Variants in GABRB2 observed in about 807,000 individuals in gnomAD.
GABRB2 encodes the protein gamma-aminobutyric acid receptor subunit beta-2.
GABRB2 carries 16 observed loss-of-function variants against 54.7 expected under a neutral mutation model. The ratio of observed to expected loss-of-function variants is 0.29; its 90% confidence interval spans 0.20 to 0.44. The LOEUF is 0.44. Among genes scored for constraint, GABRB2 ranks in the 20% least tolerant of loss-of-function variants. The pLI, the probability that GABRB2 is intolerant of heterozygous loss-of-function variation, is 1.00. For synonymous variants in GABRB2, 244 were observed against 233.8 expected (o/e 1.04, Z -0.40); for missense variants, 355 against 644.0 (o/e 0.55, Z 4.86).
intron 9 of GABRB2, among the ~76,000 whole-genome samples, chr5:161,319,213 G>A (rs777723506): frequency 4.0e-5 from 6 of 150,044 alleles, no homozygotes; most frequent in Non-Finnish European, 8.9e-5. Flanking sequence ...AAGCCAAGAG[G>A]CAAGAGTCAG....
chr5:161,480,804 A>G lies in GABRB2; in HGVS notation c.238-20960T>C, dbSNP rs546005060. ...TGGGGCCATTAGTGCACTTCATAAC[A>G]TTTAAAAAGTGCCACTTTTATCCAT... On this transcript the variant is annotated intron_variant, in intron 3 of 9. Coordinates refer to ENST00000393959, the MANE Select transcript of GABRB2 (RefSeq NM_001371727.1). 1.2e-4 allele frequency among the ~76,000 whole-genome samples: 19 copies of G among 152,140 alleles called. No individual in the cohort carries two copies. The South Asian group carries it at 3.9e-3, about 32-fold the overall frequency.
At chr5:161,357,517 A>G (rs1005274450) in intron 5 of GABRB2, among the ~76,000 whole-genome samples, 97 of 45,356 alleles carry the variant, frequency 2.1e-3, no homozygotes, top group African/African-American at 0.01. Context: ...GAGAGTTTTG[A>G]GCAAAAAAAA....
chr5:161,305,238 G>C, intron 9 of GABRB2, among the ~76,000 whole-genome samples: 1 of 150,976 alleles, frequency 6.6e-6, no homozygotes, highest in Admixed American at 6.6e-5. Context: ...GGATGGTCTC[G>C]ATCTCCTGAC....
At chr5:161,463,549 TTTTATTTATA>T (rs1221440379) in intron 3 of GABRB2, among the ~76,000 whole-genome samples, 2,353 of 53,960 alleles carry the variant, frequency 0.044, 45 homozygotes, top group South Asian at 0.056. Context: ...TTCCAAATAT[TTTTATTTATA>T]TATATATATA....
At chr5:161,524,208 T>C (rs1760203755) in intron 3 of GABRB2, among the ~76,000 whole-genome samples, 1 of 151,346 alleles carries the variant, frequency 6.6e-6, no homozygotes, top group Non-Finnish European at 1.5e-5. Context: ...ATGTAAACAT[T>C]AATGTTCTCA....
intron 5 of GABRB2, among the ~76,000 whole-genome samples, chr5:161,352,861 A>G (rs948353219): frequency 1.3e-5 from 2 of 152,028 alleles, no homozygotes; most frequent in African/African-American, 4.8e-5. Context: ...AAAACCTAAT[A>G]AACCTGTTAT....
intron 5 of GABRB2, among the ~76,000 whole-genome samples, chr5:161,378,202 C>G (rs1755365054): frequency 1.3e-5 from 2 of 152,012 alleles, no homozygotes; most frequent in East Asian, 3.9e-4. Context: ...GTTTCATTAT[C>G]TGTAAATTGG....
upstream of GABRB2, chr5:161,546,731 G>C (rs972756170): frequency 3.9e-6 from 6 of 1,536,966 alleles, no homozygotes; most frequent in Admixed American, 7.9e-5. Flanking sequence ...AATGTGAGGC[G>C]CATGCGCACG....
At chr5:161,472,979 T>C (rs1444693705) in intron 3 of GABRB2, among the ~76,000 whole-genome samples, 1 of 152,020 alleles carries the variant, frequency 6.6e-6, no homozygotes, top group Non-Finnish European at 1.5e-5. Flanking sequence ...CATAAAGTTA[T>C]TAAATTTATT....
chr5:161,329,622 T>C (rs570752704), intron 8 of GABRB2: 1 of 152,344 alleles, frequency 6.6e-6, no homozygotes, highest in African/African-American at 2.4e-5. Flanking sequence ...ATTTATACTT[T>C]GCTATCCTTG....
intron 3 of GABRB2, among the ~76,000 whole-genome samples, chr5:161,476,958 T>C (rs955442968): frequency 7.9e-5 from 12 of 151,744 alleles, no homozygotes; most frequent in African/African-American, 2.9e-4. Context: ...GACTTATGCA[T>C]ACCAAATGAA....
At chr5:161,447,819 C>T (rs1757680177) in intron 4 of GABRB2, among the ~76,000 whole-genome samples, 1 of 152,086 alleles carries the variant, frequency 6.6e-6, no homozygotes, top group African/African-American at 2.4e-5. Flanking sequence ...TTTTAATCTT[C>T]TACCTATTTT....
At chr5:161,518,693 A>T (rs185658619) in intron 3 of GABRB2, among the ~76,000 whole-genome samples, 10 of 152,366 alleles carry the variant, frequency 6.6e-5, no homozygotes, top group Admixed American at 4.6e-4. Context: ...AAATACTCAC[A>T]TCATGGAGAT....
At chr5:161,378,911 T>C (rs1755386918) in intron 5 of GABRB2, among the ~76,000 whole-genome samples, 1 of 152,208 alleles carries the variant, frequency 6.6e-6, no homozygotes, top group Non-Finnish European at 1.5e-5. Flanking sequence ...AAGGAGCACC[T>C]GCACACAAGG....
At chr5:161,456,872 G>C (rs1478909424) in intron 4 of GABRB2, among the ~76,000 whole-genome samples, 1 of 152,142 alleles carries the variant, frequency 6.6e-6, no homozygotes, top group African/African-American at 2.4e-5. Flanking sequence ...GGGTGGGTAA[G>C]TAGCAGGAGG....
intron 5 of GABRB2, among the ~76,000 whole-genome samples, chr5:161,374,789 A>C (rs576644312): frequency 6.6e-6 from 1 of 152,326 alleles, no homozygotes; most frequent in South Asian, 2.1e-4. Context: ...ATGGGTACAC[A>C]TAACTATACA....
intron 3 of GABRB2, among the ~76,000 whole-genome samples, chr5:161,498,254 T>A (rs1759317725): frequency 6.6e-6 from 1 of 152,124 alleles, no homozygotes; most frequent in South Asian, 2.1e-4. Context: ...AAAAAGTGTA[T>A]GTGTCACGTA....
intron 3 of GABRB2, among the ~76,000 whole-genome samples, chr5:161,479,585 A>ATT (rs10691457): frequency 0.051 from 7,052 of 137,620 alleles, 265 homozygotes; most frequent in East Asian, 0.13. Context: ...CATTGAAACA[A>ATT]TTTTTTTTTT....
chr5:161,464,783 G>T (rs1055188920), intron 3 of GABRB2, among the ~76,000 whole-genome samples: 1 of 152,056 alleles, frequency 6.6e-6, no homozygotes, highest in African/African-American at 2.4e-5. Context: ...CTAAGTGAAA[G>T]AAGCCAGATT....
Sources: allele counts gnomAD v4.1 joint callset (sites outside exome capture counted in the v4.1 genomes callset), GRCh38; gene constraint gnomAD v4.1.1; transcripts MANE v1.5; gene names NCBI Gene and HGNC (gene_info 2026-07-23, HGNC 2026-07-21).